FGF13: variants seen among roughly 807,000 people sequenced by gnomAD.
FGF13 encodes fibroblast growth factor homologous factor 2.
In FGF13, 2 loss-of-function variants were observed where a neutral mutation model predicts 19.5. That is an observed-to-expected ratio of 0.10 (90% CI 0.04 to 0.32). FGF13 has a LOEUF of 0.32. FGF13 is among the 10% of genes least tolerant of loss of function. FGF13 has a pLI of 1.00. For missense variants in FGF13, 113 were observed against 192.7 expected (o/e 0.59, Z 2.45); for synonymous variants, 72 against 76.9 (o/e 0.94, Z 0.33).
intron 3 of FGF13, among the ~76,000 whole-genome samples, chrX:138,818,841 A>G (rs1234206395): frequency 9.0e-6 from 1 of 111,709 alleles, no homozygotes; most frequent in Non-Finnish European, 1.9e-5. Flanking sequence ...TAAAATGGGT[A>G]TGCACTTGGC....
chrX:138,823,091 G>A (rs1028907884), intron 3 of FGF13, among the ~76,000 whole-genome samples: 5 of 111,696 alleles, frequency 4.5e-5, no homozygotes, highest in African/African-American at 6.5e-5. Context: ...GTCAGGAGGC[G>A]TGAAAGTTCA....
chrX:138,647,219 G>GA (rs10543925), intron 3 of FGF13, among the ~76,000 whole-genome samples: 3,919 of 58,859 alleles, frequency 0.067, 83 homozygotes, highest in Middle Eastern at 0.12. Flanking sequence ...CATCTCTGGG[G>GA]AAAAAAAAAA....
At chrX:138,797,699 A>AT (rs371721125) in intron 3 of FGF13, among the ~76,000 whole-genome samples, 1,174 of 109,598 alleles carry the variant, frequency 0.011, 15 homozygotes, top group African/African-American at 0.036. Flanking sequence ...ATGAGCATGG[A>AT]TTTTTTTTTC....
chrX:139,044,605 T>G (rs1315480369), intron 1 of FGF13, among the ~76,000 whole-genome samples: 1 of 111,051 alleles, frequency 9.0e-6, no homozygotes, highest in Non-Finnish European at 1.9e-5. Flanking sequence ...CATTGCAAAA[T>G]ACAATCATGC....
At chrX:139,082,121 G>A (rs1398160948) in intron 1 of FGF13, among the ~76,000 whole-genome samples, 4 of 111,091 alleles carry the variant, frequency 3.6e-5, no homozygotes, top group East Asian at 2.8e-4. Flanking sequence ...CCTTCACACC[G>A]CACTCTAGCT....
intron 1 of FGF13, among the ~76,000 whole-genome samples, chrX:139,013,959 T>C (rs1212149648): frequency 2.7e-5 from 3 of 110,928 alleles, no homozygotes; most frequent in African/African-American, 9.9e-5. Context: ...CAAGGAACTG[T>C]GGAAACTGTG....
chrX:138,881,640 TTG>T (rs200082310), intron 1 of FGF13, among the ~76,000 whole-genome samples: 4,150 of 111,839 alleles, frequency 0.037, 198 homozygotes, highest in African/African-American at 0.13. Context: ...TCTTGGCAGA[TTG>T]TGTGTTTCTA....
intron 1 of FGF13, among the ~76,000 whole-genome samples, chrX:139,103,794 C>A (rs1180889334): frequency 8.9e-6 from 1 of 112,080 alleles, no homozygotes; most frequent in African/African-American, 3.2e-5. Context: ...AATTGAATAA[C>A]ATGGGAGAGG....
intron 1 of FGF13, among the ~76,000 whole-genome samples, chrX:138,729,178 A>T (rs1370527762): frequency 9.0e-6 from 1 of 111,718 alleles, no homozygotes; most frequent in East Asian, 2.8e-4. Flanking sequence ...TACTCAAGTG[A>T]TAGATCTGAG....
chrX:138,901,435 G>C (rs138834600), intron 1 of FGF13, among the ~76,000 whole-genome samples: 1,197 of 111,410 alleles, frequency 0.011, 24 homozygotes, highest in African/African-American at 0.036. Context: ...GGGGAGCTCA[G>C]TGTGTTGAGG....
intron 1 of FGF13, among the ~76,000 whole-genome samples, chrX:138,932,290 C>T (rs150208289): frequency 0.013 from 1,470 of 112,102 alleles, 34 homozygotes; most frequent in African/African-American, 0.045. Flanking sequence ...GCCATTAAAA[C>T]GAAACCCCAG....
chrX:138,848,537 A>G (rs2091199834), intron 3 of FGF13, among the ~76,000 whole-genome samples: 1 of 112,190 alleles, frequency 8.9e-6, no homozygotes, highest in African/African-American at 3.2e-5. Flanking sequence ...CTTCTCAAGA[A>G]ATATTTCTTC....
chrX:139,085,615 A>T (rs1320330631), intron 1 of FGF13, among the ~76,000 whole-genome samples: 1 of 112,162 alleles, frequency 8.9e-6, no homozygotes, highest in Non-Finnish European at 1.9e-5. Flanking sequence ...CATCATGAGC[A>T]AAGGTCACAT....
chrX:139,190,758 C>T (rs935740422), intron 1 of FGF13, among the ~76,000 whole-genome samples: 37 of 111,883 alleles, frequency 3.3e-4, no homozygotes, highest in African/African-American at 1.1e-3. Flanking sequence ...TATTTTGCCA[C>T]AGTAAACATA....
rs371760908 is a variant in FGF13 at position 138,818,499 on chromosome X, G to GACACACACACAC, written c.217+39001_217+39012dup. 1.1e-3 allele frequency among the ~76,000 whole-genome samples: 90 copies of GACACACACACAC among 84,786 alleles called. 1 individual carries two copies. The highest frequency in any genetic ancestry group is 1.4e-3 in the African/African-American group (32 of 23,176). The allele number at this position is 84,786 out of a possible 115,157, so 73.6% of individuals were successfully genotyped here. A position where few individuals can be genotyped will look rare whatever the true frequency, so the allele number is the denominator to read the frequency against. ...TTATATAAGGATATATATATGCACA[G>GACACACACACAC]ACACACACACACACACACACACACA... On this transcript the variant is annotated intron_variant, in intron 3 of 6. Coordinates refer to the FGF13 transcript ENST00000436198.
chrX:138,961,371 G>A (rs945411501), intron 1 of FGF13, among the ~76,000 whole-genome samples: 8 of 111,251 alleles, frequency 7.2e-5, no homozygotes, highest in South Asian at 7.7e-4. Context: ...TGCAGAACAC[G>A]ATCCTTCCTC....
intron 1 of FGF13, among the ~76,000 whole-genome samples, chrX:138,932,591 G>A (rs936317728): frequency 1.8e-5 from 2 of 109,802 alleles, no homozygotes; most frequent in African/African-American, 3.3e-5. Flanking sequence ...GACAGAGACC[G>A]GAGAGGGACT....
At chrX:138,999,479 C>A (rs182897132) in intron 1 of FGF13, among the ~76,000 whole-genome samples, 1 of 110,675 alleles carries the variant, frequency 9.0e-6, no homozygotes, top group Non-Finnish European at 1.9e-5. Context: ...ATCAAGTAGA[C>A]GCAATAAAAA....
rs141023692 is a variant in FGF13, at chrX:138,919,785, C to T, written c.-112-55135G>A. Among the ~76,000 whole-genome samples, 757 of 109,464 alleles carry T rather than the reference C, an allele frequency of 6.9e-3. 6 individuals are homozygous for T. Among genetic ancestry groups the T allele is most frequent in the African/African-American group, 0.024 (724 of 30,048 alleles). ...GTATAGTGGAGTATGTTAACTGTCACGGTGGTTACATGAGACAACACATAT... is the reference window on the plus strand; with the variant it reads ...GTATAGTGGAGTATGTTAACTGTCATGGTGGTTACATGAGACAACACATAT... On this transcript the variant is annotated intron_variant, in intron 1 of 2. Coordinates refer to the FGF13 transcript ENST00000421460.
Sources: allele counts gnomAD v4.1 joint callset (sites outside exome capture counted in the v4.1 genomes callset), GRCh38; gene constraint gnomAD v4.1.1; transcripts MANE v1.5; gene names NCBI Gene and HGNC (gene_info 2026-07-23, HGNC 2026-07-21).